The following AMELY variants were observed in gnomAD, a reference collection of about 807,000 sequenced individuals.
AMELY encodes the protein amelogenin, Y isoform.
Under a neutral mutation model 4.2 loss-of-function variants are expected in AMELY, and 4 were observed. The observed-to-expected ratio is 0.96, with a 90% CI of 0.47 to 2.19. The LOEUF (loss-of-function observed/expected upper bound fraction) is 2.19, where lower values mean the gene tolerates loss of function less well. Among genes scored for constraint, AMELY ranks in the 30% most tolerant of loss-of-function variants. The pLI, the probability that AMELY is intolerant of heterozygous loss-of-function variation, is 0.02. For missense variants in AMELY, 32 were observed against 41.5 expected (o/e 0.77, Z 0.63); for synonymous variants, 11 against 14.7 (o/e 0.75, Z 0.57).
intron 6 of AMELY, 118 bp from the exon 7 acceptor site, chrY:6,866,196 T>A: frequency 1.0e-5 from 1 of 95,951 alleles, no homozygotes; most frequent in Non-Finnish European, 1.9e-5. Context: ...TAAGTTGAAC[T>A]CTATAATTTC....
intron 6 of AMELY, among the ~76,000 whole-genome samples, chrY:6,867,007 A>AG: frequency 6.1e-5 from 2 of 32,999 alleles, no homozygotes; most frequent in South Asian, 1.4e-3. Context: ...CATGCTCACA[A>AG]TTATTAAGCC....
chrY:6,904,185 T>C, intron 1 of AMELY, among the ~76,000 whole-genome samples: 3 of 33,939 alleles, frequency 8.8e-5, no homozygotes, highest in Non-Finnish European at 1.5e-4. Context: ...AGGTTACACA[T>C]TGGTGGGCAC....
At chrY:6,885,262 G>A (rs4498742) in intron 1 of AMELY, among the ~76,000 whole-genome samples, 11 of 32,695 alleles carry the variant, frequency 3.4e-4, no homozygotes, top group South Asian at 2.0e-3. Context: ...GGCGGATCAC[G>A]AGGTCAGGAG....
At chrY:6,909,154 T>C (rs2011674465) in intron 1 of AMELY, among the ~76,000 whole-genome samples, 1 of 33,560 alleles carries the variant, frequency 3.0e-5, no homozygotes, top group Non-Finnish European at 7.4e-5. Flanking sequence ...GTGCAGCTAC[T>C]TGAGAGGGTG....
rs1161226378 is a variant in AMELY at position 6,872,567 on chromosome Y, A to G, written c.42T>C (p.Ala14=). The G allele has an allele frequency of 2.5e-6, 1 of 397,349 alleles. No individual in the cohort carries two copies. The highest frequency in any genetic ancestry group is 3.0e-5 in the South Asian group (1 of 33,366). ...ATGTTTTACTCACAGGCATGGCAAA[A>G]GCTGCTCCCACAAGGCAGGCAAACA... ...WILFACLVGA[A]FAMPLPPHPG... is the part of the protein sequence containing the mutation. The change falls in exon 3 of 7, where the codon GCT becomes GCC. Residue 14 remains alanine, a synonymous_variant. Coordinates refer to ENST00000651267, the MANE Select transcript of AMELY (RefSeq NM_001143.2).
intron 1 of AMELY, among the ~76,000 whole-genome samples, chrY:6,909,812 C>A: frequency 3.1e-5 from 1 of 32,526 alleles, no homozygotes; most frequent in East Asian, 8.0e-4. Flanking sequence ...GAGCGTCTAA[C>A]GCGGGAGGAG....
At chrY:6,867,602 G>C in intron 6 of AMELY, among the ~76,000 whole-genome samples, 1 of 32,641 alleles carries the variant, frequency 3.1e-5, no homozygotes, top group Non-Finnish European at 7.5e-5. Flanking sequence ...TTCATAGCTT[G>C]TTCAAATATA....
At chrY:6,893,280 A>C in intron 1 of AMELY, among the ~76,000 whole-genome samples, 1 of 32,549 alleles carries the variant, frequency 3.1e-5, no homozygotes, top group Non-Finnish European at 7.4e-5. Flanking sequence ...CACCACACCT[A>C]TGGGTCTGAA....
chrY:6,887,948 G>A, intron 1 of AMELY, among the ~76,000 whole-genome samples: 1 of 33,334 alleles, frequency 3.0e-5, no homozygotes, highest in East Asian at 7.9e-4. Flanking sequence ...TGTAAATAGT[G>A]CTTCAATAAT....
intron 1 of AMELY, among the ~76,000 whole-genome samples, chrY:6,910,260 G>T (rs2011681044): frequency 3.1e-5 from 1 of 32,569 alleles, no homozygotes; most frequent in Non-Finnish European, 7.5e-5. Context: ...TGACAACTGG[G>T]GTGTCTTCTA....
chrY:6,885,246 A>C (rs375785055), intron 1 of AMELY, among the ~76,000 whole-genome samples: 1 of 32,883 alleles, frequency 3.0e-5, no homozygotes, highest in South Asian at 6.8e-4. Flanking sequence ...TTGGGAGGCC[A>C]AGGGGGGCGG....
intron 1 of AMELY, among the ~76,000 whole-genome samples, chrY:6,900,128 A>C: frequency 1.5e-4 from 5 of 33,654 alleles, no homozygotes; most frequent in Non-Finnish European, 2.9e-4. Context: ...TATAGCTTGT[A>C]ATAATTGAAC....
At chrY:6,894,163 G>A in intron 1 of AMELY, among the ~76,000 whole-genome samples, 1 of 33,146 alleles carries the variant, frequency 3.0e-5, no homozygotes, top group South Asian at 6.9e-4. Context: ...AACCCCAGCT[G>A]CAACGACATC....
chrY:6,881,771 G>A (rs2054075120), intron 1 of AMELY, among the ~76,000 whole-genome samples: 1 of 33,136 alleles, frequency 3.0e-5, no homozygotes, highest in Non-Finnish European at 7.4e-5. Context: ...AAAATCACAA[G>A]CATTCCTATA....
chrY:6,875,686 A>C (rs755095007), intron 1 of AMELY, among the ~76,000 whole-genome samples: 1 of 33,306 alleles, frequency 3.0e-5, no homozygotes, highest in African/African-American at 1.2e-4. Flanking sequence ...TACGCTTTGA[A>C]GGAAATTGTA....
At chrY:6,900,721 GAAAAAA>G (rs2054088783) in intron 1 of AMELY, 132 of 9,067 alleles carry the variant, frequency 0.015, no homozygotes, top group Admixed American at 0.033. Context: ...CTCCCTTTCA[GAAAAAA>G]AAAAAAAAAA....
chrY:6,883,253 T>C (rs2054076366), intron 1 of AMELY, among the ~76,000 whole-genome samples: 1 of 33,222 alleles, frequency 3.0e-5, no homozygotes, highest in African/African-American at 1.2e-4. Flanking sequence ...TGCCATGGAA[T>C]ACCATGCAGT....
intron 1 of AMELY, among the ~76,000 whole-genome samples, chrY:6,886,056 C>T (rs2054079940): frequency 5.9e-5 from 2 of 34,109 alleles, no homozygotes; most frequent in Admixed American, 2.7e-4. Context: ...AAACAAAATG[C>T]ATTCAGAGGG....
chrY:6,877,676 C>T (rs2054072461), intron 1 of AMELY, among the ~76,000 whole-genome samples: 1 of 32,612 alleles, frequency 3.1e-5, no homozygotes. Context: ...CTAAACAAGC[C>T]GTCCAGTGGT....
Sources: gnomAD v4.1 joint callset for allele counts (sites outside exome capture counted in the v4.1 genomes callset) on GRCh38, gnomAD v4.1.1 for gene constraint, MANE v1.5 for transcripts, NCBI Gene and HGNC (gene_info 2026-07-23, HGNC 2026-07-21) for gene names.